Variants in SSH2 observed in about 807,000 individuals in gnomAD.
The protein encoded by SSH2 is slingshot protein phosphatase 2, also known as protein phosphatase Slingshot homolog 2.
Under a neutral mutation model 135.2 loss-of-function variants are expected in SSH2, and 37 were observed. The ratio of observed to expected loss-of-function variants is 0.27; its 90% CI spans 0.21 to 0.36. The LOEUF (loss-of-function observed/expected upper bound fraction) is 0.36. Among genes scored for constraint, SSH2 ranks in the 10% least tolerant of loss-of-function variants. The probability of loss-of-function intolerance (pLI) is 1.00; values close to 1 mark genes in which losing one functional copy is unlikely to be tolerated. For missense variants in SSH2, 1,408 were observed against 1,765.3 expected, an observed-to-expected ratio of 0.80 and a Z score of 3.63; for synonymous variants, 628 against 646.2, an observed-to-expected ratio of 0.97 and a Z score of 0.43.
Position 29,636,148 on chromosome 17 carries a change from C to T in SSH2, c.2082G>A (p.Arg694=), listed in dbSNP as rs2035904985. 6.2e-7 allele frequency: 1 copy of T among 1,614,148 alleles called. No homozygotes were observed. The highest frequency in any genetic ancestry group is 1.3e-5 in the African/African-American group (1 of 75,028). ...TCCTTGAATGGGAAAAAGATCGTGA[C>T]CGGGTTTCTTGGGAGAGCTCCACAA... ...EKFVELSQET[R]SRSFSHSRME... is the part of the protein sequence containing the mutation. The change falls in exon 15 of 16, where the codon CGG becomes CGA. Residue 694 remains arginine, a synonymous_variant. Coordinates refer to ENST00000540801, the MANE Select transcript of SSH2 (RefSeq NM_001282129.2).
At chr17:29,836,091 T>A in intron 2 of SSH2, among the ~76,000 whole-genome samples, 1 of 152,086 alleles carries the variant, frequency 6.6e-6, no homozygotes, top group East Asian at 1.9e-4. Context: ...ATGGTATGAA[T>A]GCTTATATGA....
chr17:29,765,666 T>C (rs1220711133), intron 3 of SSH2, among the ~76,000 whole-genome samples: 1 of 152,182 alleles, frequency 6.6e-6, no homozygotes, highest in Non-Finnish European at 1.5e-5. Flanking sequence ...TAATCTATCC[T>C]AGCCCTACTT....
chr17:29,819,513 TCA>T (rs1449320195), intron 2 of SSH2, among the ~76,000 whole-genome samples: 2 of 152,156 alleles, frequency 1.3e-5, no homozygotes, highest in African/African-American at 4.8e-5. Flanking sequence ...AAAAAAACTC[TCA>T]AACTATCAGA....
chr17:29,765,886 G>A (rs986144311), intron 3 of SSH2, among the ~76,000 whole-genome samples: 17 of 151,998 alleles, frequency 1.1e-4, no homozygotes, highest in Non-Finnish European at 2.5e-4. Flanking sequence ...CAGGCGTGCT[G>A]GTGGGCGCCT....
chr17:29,730,923 C>T (rs1271691241), intron 3 of SSH2, among the ~76,000 whole-genome samples: 1 of 152,138 alleles, frequency 6.6e-6, no homozygotes, highest in Admixed American at 6.6e-5. Flanking sequence ...AGAAGGGGCT[C>T]ATCACTGGAA....
intron 3 of SSH2, among the ~76,000 whole-genome samples, chr17:29,782,976 CT>C (rs1212646734): frequency 6.6e-6 from 1 of 152,200 alleles, no homozygotes; most frequent in Non-Finnish European, 1.5e-5. Flanking sequence ...CCGTCTTGGG[CT>C]TCCAAAGCGC....
intron 8 of SSH2, chr17:29,676,553 CT>C (rs1375848271): frequency 1.1e-5 from 4 of 360,330 alleles, no homozygotes; most frequent in African/African-American, 8.5e-5. Context: ...TCGGTATCAA[CT>C]GGCTTATCTA....
chr17:29,846,641 A>G (rs56088359), intron 2 of SSH2, among the ~76,000 whole-genome samples: 61,073 of 152,188 alleles, frequency 0.4, 14,670 homozygotes, highest in East Asian at 0.69. Context: ...AGATTCATCA[A>G]CACTGAATGA....
intron 1 of SSH2, among the ~76,000 whole-genome samples, chr17:29,908,721 G>A (rs1485449634): frequency 9.5e-4 from 124 of 130,912 alleles, no homozygotes; most frequent in African/African-American, 3.4e-3. Flanking sequence ...CTGAAATCAC[G>A]CCACTGCACT....
At chr17:29,894,814 C>T (rs1424066464) in intron 1 of SSH2, among the ~76,000 whole-genome samples, 1 of 152,016 alleles carries the variant, frequency 6.6e-6, no homozygotes, top group East Asian at 1.9e-4. Context: ...ACCCTTCCTT[C>T]TCAATTACCA....
intron 14 of SSH2, chr17:29,645,829 A>G (rs1334010374): frequency 1.3e-5 from 2 of 152,190 alleles, no homozygotes; most frequent in Non-Finnish European, 2.9e-5. Context: ...CCAAATGTTG[A>G]GTAAATGGGA....
chr17:29,848,925 G>C lies in SSH2; in HGVS notation c.68C>G (p.Ser23Cys). 1 of 1,533,266 alleles carries C rather than the reference G, an allele frequency of 6.5e-7. No homozygotes were observed. The highest frequency in any genetic ancestry group is 8.7e-7 in the Non-Finnish European group (1 of 1,144,840). The allele number at this position is 1,533,266 out of a possible 1,614,324, so 95.0% of individuals were successfully genotyped here. A position where few individuals can be genotyped will look rare whatever the true frequency, so the allele number is the denominator to read the frequency against. Residue 23 changes from serine to cysteine, a missense_variant, in exon 2 of 16, where the codon TCT becomes TGT. By Grantham distance (112) the Ser-to-Cys change is moderately radical. Around this residue, in one of 3 missense-constraint regions of SSH2, gnomAD observed 222 missense variants for 355.6 expected, o/e 0.62. Transcript: ENST00000540801. ...STTSSPCASS[S>C]HLEDSESAAL... ...TGCTGATTCACTGTCTTCCAAATGA[G>C]AGCTCTGTAATACAAACAAGATCAT...
At chr17:29,921,158 C>G (rs1376967872) in intron 1 of SSH2, among the ~76,000 whole-genome samples, 1 of 151,920 alleles carries the variant, frequency 6.6e-6, no homozygotes, top group Non-Finnish European at 1.5e-5. Context: ...GGTCAGACAC[C>G]AGGCCTATAA....
intron 3 of SSH2, among the ~76,000 whole-genome samples, chr17:29,726,328 A>G (rs138633054): frequency 1.3e-5 from 2 of 152,332 alleles, no homozygotes; most frequent in African/African-American, 4.8e-5. Flanking sequence ...GTATGGGGAA[A>G]CAGTGGAGAG....
chr17:29,797,013 G>A (rs1408358248), intron 2 of SSH2, among the ~76,000 whole-genome samples: 2 of 151,512 alleles, frequency 1.3e-5, no homozygotes, highest in Non-Finnish European at 2.9e-5. Context: ...TTGTAGATAC[G>A]GGGTCTCACT....
chr17:29,787,136 A>C (rs756652834), intron 3 of SSH2, among the ~76,000 whole-genome samples: 12 of 152,148 alleles, frequency 7.9e-5, no homozygotes, highest in Admixed American at 2.0e-4. Context: ...ACTAGGCAAT[A>C]ACTTCCCACT....
At position 29,889,822 on chromosome 17, in the gene SSH2, A is replaced by C. The variant is rs866146369; in HGVS notation, c.63+40116T>G. ...TCTACCAAAAAAAAAAAAAAAAAAA[A>C]AAAAAACCAGCCAGGTATGAGATCA... On this transcript the variant is annotated intron_variant, in intron 1 of 15. Transcript: ENST00000540801. 9.0e-4 allele frequency among the ~76,000 whole-genome samples: 135 copies of C among 149,964 alleles called. 2 individuals are homozygous for C. In the Middle Eastern group the frequency reaches 0.01, roughly 11 times the overall value.
intron 1 of SSH2, among the ~76,000 whole-genome samples, chr17:29,882,041 C>T (rs9646436): frequency 0.39 from 59,512 of 151,764 alleles, 14,069 homozygotes; most frequent in East Asian, 0.69. Context: ...AACTCAATGG[C>T]TGAAAGCTTC....
At chr17:29,907,397 T>C (rs1262626455) in intron 1 of SSH2, among the ~76,000 whole-genome samples, 1 of 152,118 alleles carries the variant, frequency 6.6e-6, no homozygotes, top group Non-Finnish European at 1.5e-5. Context: ...ATAGCTAACG[T>C]ATGCTGGGCT....
Sources: gnomAD v4.1 joint callset for allele counts (sites outside exome capture counted in the v4.1 genomes callset) on GRCh38, gnomAD v4.1.1 for gene constraint, gnomAD v4.1.1 regional missense constraint, MANE v1.5 for transcripts, NCBI Gene and HGNC (gene_info 2026-07-23, HGNC 2026-07-21) for gene names.